PRH1: variants seen among roughly 807,000 people sequenced by gnomAD.
The protein encoded by PRH1 is proline rich protein HaeIII subfamily 1, also known as salivary acidic proline-rich phosphoprotein 1/2.
PRH1 carries 7 observed loss-of-function variants against 7.9 expected under a neutral mutation model. That is an observed-to-expected ratio of 0.89 (90% CI 0.50 to 1.67). The LOEUF is 1.67. Among genes scored for constraint, PRH1 ranks in the 40% most tolerant of loss-of-function variants. The pLI is 0.00. For synonymous variants in PRH1, 45 were observed against 80.8 expected, an observed-to-expected ratio of 0.56 and a Z score of 2.38; for missense variants, 109 against 223.6, an observed-to-expected ratio of 0.49 and a Z score of 3.27.
chr12:11,048,997 C>T, upstream of PRH1: 1 of 294,560 alleles, frequency 3.4e-6, no homozygotes, highest in South Asian at 7.1e-5. Context: ...ATTGCTGAGA[C>T]ATTAGAACCA....
At chr12:10,928,829 C>A (rs1950159402) in intron 2 of PRH1, among the ~76,000 whole-genome samples, 1 of 152,192 alleles carries the variant, frequency 6.6e-6, no homozygotes. Flanking sequence ...TATTGACCGT[C>A]TTCACTGTTA....
chr12:10,931,258 T>A, intron 2 of PRH1: 1 of 1,327,040 alleles, frequency 7.5e-7, no homozygotes. Context: ...AAACAATCTC[T>A]TGAAGGCAAT....
At chr12:10,902,807 A>G (rs1949742265) in intron 2 of PRH1, among the ~76,000 whole-genome samples, 1 of 152,118 alleles carries the variant, frequency 6.6e-6, no homozygotes, top group Non-Finnish European at 1.5e-5. Context: ...AAAATCTTTT[A>G]TAGACAAGCA....
intron 2 of PRH1, among the ~76,000 whole-genome samples, chr12:10,960,306 T>C (rs887465138): frequency 6.6e-6 from 1 of 152,216 alleles, no homozygotes; most frequent in African/African-American, 2.4e-5. Context: ...TAAGTCCTCT[T>C]GATAATGAAC....
intron 2 of PRH1, chr12:10,895,131 G>C (rs1278760546): frequency 1.3e-5 from 2 of 152,160 alleles, no homozygotes; most frequent in Non-Finnish European, 2.9e-5. Context: ...GCCAATGTTA[G>C]TATGATACTG....
upstream of PRH1, among the ~76,000 whole-genome samples, chr12:11,050,001 G>A (rs1437419570): frequency 6.6e-6 from 1 of 152,000 alleles, no homozygotes; most frequent in Non-Finnish European, 1.5e-5. Context: ...AGGTCATCTA[G>A]GTGGAATTAG....
At chr12:11,086,635 C>A (rs80136640) in intron 1 of PRH1, among the ~76,000 whole-genome samples, 15 of 142,326 alleles carry the variant, frequency 1.1e-4, no homozygotes, top group East Asian at 6.0e-4. Flanking sequence ...GACGATAGGC[C>A]GGGTGCGGTG....
At position 11,074,275 on chromosome 12, in the gene PRH1, G is replaced by T. The variant is rs144182972; in HGVS notation, n.124-27087C>A. ...TTATTTGGAGATTAGTTTTGGGGAA[G>T]GAGCATAAAGCATCCTGCCTTCTAA... is the stretch of plus-strand genomic sequence containing the variant. On this transcript the variant is annotated intron_variant and non_coding_transcript_variant, in intron 1 of 4. Coordinates refer to the PRH1 transcript ENST00000541977. Among the ~76,000 whole-genome samples the T allele has an allele frequency of 2.0e-4, 30 of 151,464 alleles. 5 individuals carry two copies. The highest frequency in any genetic ancestry group is 5.6e-4 in the African/African-American group (23 of 41,310).
chr12:11,038,144 T>C (rs1197094832), intron 1 of PRH1, among the ~76,000 whole-genome samples: 1 of 152,278 alleles, frequency 6.6e-6, no homozygotes, highest in Non-Finnish European at 1.5e-5. Flanking sequence ...ATGGTATCTA[T>C]GAGAATATGC....
Position 11,040,752 on chromosome 12 carries a change from C to A in PRH1, c.-126+6268G>T, listed in dbSNP as rs190396137. On this transcript the variant is annotated intron_variant, in intron 1 of 3. Coordinates refer to the PRH1 transcript ENST00000539853. ...ACAGGCTTTGAAGACATAGACAGTACAATAAGATATTAATAGTGAAAACAA... is the reference window on the plus strand; with the variant it reads ...ACAGGCTTTGAAGACATAGACAGTAAAATAAGATATTAATAGTGAAAACAA... 4.6e-5 allele frequency among the ~76,000 whole-genome samples: 7 copies of A among 152,158 alleles called. No individual in the cohort carries two copies. The East Asian group carries it at 1.2e-3, about 25-fold the overall frequency.
intron 1 of PRH1, chr12:10,997,443 C>G (rs1440592017): frequency 3.1e-6 from 5 of 1,613,676 alleles, no homozygotes; most frequent in African/African-American, 1.3e-5. Flanking sequence ...TGTTTCATCA[C>G]AAGGTGACAA....
rs146531755 is a variant in PRH1 at position 10,973,403 on chromosome 12, T to C, written c.-59+252A>G. 19 of 343,254 alleles carry C rather than the reference T, an allele frequency of 5.5e-5. No homozygotes were observed. In the East Asian group the frequency reaches 8.3e-4, roughly 15 times the overall value. 21.3% of individuals were successfully genotyped at this position (343,254 alleles called of 1,614,324 possible). ...TCTAAGAAATGATCTTCAAGTCTGA[T>C]GGCCAGGACAGAAACCCAGATACTC... On this transcript the variant is annotated intron_variant, in intron 2 of 3. Transcript: ENST00000539853.
At chr12:11,139,445 C>A (rs1259479963) in intron 1 of PRH1, among the ~76,000 whole-genome samples, 1 of 152,094 alleles carries the variant, frequency 6.6e-6, no homozygotes, top group African/African-American at 2.4e-5. Flanking sequence ...ACCAATGTAA[C>A]AAATTACAAT....
upstream of PRH1, among the ~76,000 whole-genome samples, chr12:11,049,415 A>G (rs563054978): frequency 6.6e-6 from 1 of 152,412 alleles, no homozygotes; most frequent in Admixed American, 6.5e-5. Context: ...GGAAAGCACC[A>G]TCATATGCTA....
intron 1 of PRH1, among the ~76,000 whole-genome samples, chr12:11,139,346 T>C (rs1946643071): frequency 6.6e-6 from 1 of 152,190 alleles, no homozygotes; most frequent in Non-Finnish European, 1.5e-5. Context: ...ATATACGTCT[T>C]CTTGTTGATA....
chr12:11,104,589 C>G (rs1342561571), intron 1 of PRH1, among the ~76,000 whole-genome samples: 1 of 145,314 alleles, frequency 6.9e-6, no homozygotes, highest in East Asian at 2.0e-4. Flanking sequence ...TTTCTTTATC[C>G]ATTTGGAGGA....
chr12:10,994,534 CAT>C (rs927474254), intron 1 of PRH1, among the ~76,000 whole-genome samples: 11 of 152,272 alleles, frequency 7.2e-5, no homozygotes, highest in African/African-American at 2.6e-4. Context: ...CATTACAGCA[CAT>C]AGTGTCACAT....
chr12:11,131,787 A>T (rs1470682603), intron 1 of PRH1, among the ~76,000 whole-genome samples: 1 of 152,238 alleles, frequency 6.6e-6, no homozygotes, highest in Admixed American at 6.5e-5. Flanking sequence ...TGTAATCTTA[A>T]CCTGAGACCA....
intron 1 of PRH1, among the ~76,000 whole-genome samples, chr12:11,044,164 A>G (rs1455114258): frequency 6.6e-6 from 1 of 152,176 alleles, no homozygotes; most frequent in Non-Finnish European, 1.5e-5. Flanking sequence ...CTCATTTTTG[A>G]AAAAGATGCC....
Sources: gnomAD v4.1 joint callset for allele counts (sites outside exome capture counted in the v4.1 genomes callset) on GRCh38, gnomAD v4.1.1 for gene constraint, MANE v1.5 for transcripts, NCBI Gene and HGNC (gene_info 2026-07-23, HGNC 2026-07-21) for gene names.